Variants in TENM2 observed in about 807,000 individuals in gnomAD.
TENM2 encodes teneurin-2.
A neutral mutation model predicts 245.2 loss-of-function variants in TENM2; 52 were observed. That is an observed-to-expected ratio of 0.21 (90% CI 0.17 to 0.27). The LOEUF is 0.27. Among genes scored for constraint, TENM2 ranks in the 10% least tolerant of loss-of-function variants. The probability of loss-of-function intolerance (pLI) is 1.00; values close to 1 mark genes in which losing one functional copy is unlikely to be tolerated. For synonymous variants in TENM2, 1,363 were observed against 1,438.9 expected (o/e 0.95, Z 1.19); for missense variants, 3,046 against 3,666.8 (o/e 0.83, Z 4.37).
chr5:167,260,895 A>G, the TENM2 span, among the ~76,000 whole-genome samples: 1 of 152,212 alleles, frequency 6.6e-6, no homozygotes, highest in Non-Finnish European at 1.5e-5. Flanking sequence ...TAACATCACA[A>G]TGTGTTCATT....
At position 167,474,896 on chromosome 5, in the gene TENM2, T is replaced by C. The variant is rs369560097; in HGVS notation, c.502+99423T>C. Among the ~76,000 whole-genome samples, 32 of 152,352 alleles carry C rather than the reference T, an allele frequency of 2.1e-4. No homozygotes were observed. In the South Asian group the frequency reaches 6.0e-3, roughly 29 times the overall value. ...CCAGGACAAAGAACAAAATCTGGACTGTTTTCAAATTTTGCCTTTCTTCAT... is the reference window on the plus strand; with the variant it reads ...CCAGGACAAAGAACAAAATCTGGACCGTTTTCAAATTTTGCCTTTCTTCAT... On this transcript the variant is annotated intron_variant, in intron 2 of 28. Transcript: ENST00000518659.
chr5:167,670,802 A>C (rs776707085), intron 2 of TENM2, among the ~76,000 whole-genome samples: 1 of 152,162 alleles, frequency 6.6e-6, no homozygotes, highest in African/African-American at 2.4e-5. Context: ...CAAATCTATC[A>C]GGTTCCAAAG....
At position 168,218,537 on chromosome 5, in the gene TENM2, T is replaced by C; in HGVS notation, c.4646T>C (p.Leu1549Ser). 1 of 1,614,038 alleles carries C rather than the reference T, an allele frequency of 6.2e-7. No individual in the cohort carries two copies. The highest frequency in any genetic ancestry group is 1.1e-5 in the South Asian group (1 of 91,070). The change falls in exon 23 of 29, where the codon TTA becomes TCA. Residue 1549 changes from leucine to serine, a missense_variant. Physicochemically the swap from Leu to Ser is moderately radical, Grantham distance 145 (BLOSUM62 -2). Transcript: ENST00000518659. This position sits in a 1 kb window ranked among gnomAD's most constrained non-coding sequence, Gnocchi z 5.2. ...GCCATCTTGAATTCCCCATCATCCT[T>C]AGCTGTAGCTCCAGATGGTACCATT...
chr5:167,190,309 C>G, the TENM2 span, among the ~76,000 whole-genome samples: 1 of 151,930 alleles, frequency 6.6e-6, no homozygotes, highest in African/African-American at 2.4e-5. Flanking sequence ...CAGAACAGGA[C>G]CAGGGTTGTT....
At chr5:167,773,794 C>T (rs1763557106) in intron 2 of TENM2, among the ~76,000 whole-genome samples, 1 of 151,992 alleles carries the variant, frequency 6.6e-6, no homozygotes. Context: ...AGCTTTAATG[C>T]CAGCTCCATG....
the TENM2 span, among the ~76,000 whole-genome samples, chr5:167,043,246 A>T: frequency 1.3e-5 from 2 of 152,246 alleles, no homozygotes; most frequent in African/African-American, 2.4e-5. Context: ...TAACAAAATG[A>T]TTGAAAAGAT....
At chr5:167,968,139 C>G (rs1781514565) in intron 4 of TENM2, among the ~76,000 whole-genome samples, 1 of 152,178 alleles carries the variant, frequency 6.6e-6, no homozygotes, top group South Asian at 2.1e-4. Context: ...TCAGCTGCAG[C>G]TGCATCCTTT....
intron 2 of TENM2, among the ~76,000 whole-genome samples, chr5:167,631,753 A>G (rs1778889537): frequency 6.6e-6 from 1 of 151,904 alleles, no homozygotes; most frequent in African/African-American, 2.4e-5. Flanking sequence ...TTTAAACTTC[A>G]CTTCCTTAGA....
chr5:167,635,901 C>T (rs1007133665), intron 2 of TENM2, among the ~76,000 whole-genome samples: 1 of 151,890 alleles, frequency 6.6e-6, no homozygotes, highest in African/African-American at 2.4e-5. Context: ...GCCTCGGCCT[C>T]CCAAAGCACT....
intron 1 of TENM2, among the ~76,000 whole-genome samples, chr5:167,372,861 C>T (rs1202010833): frequency 1.3e-5 from 2 of 152,146 alleles, no homozygotes; most frequent in African/African-American, 4.8e-5. Flanking sequence ...TACTCAGTAA[C>T]TTCATTTTCA....
chr5:167,275,057 T>G, the TENM2 span, among the ~76,000 whole-genome samples: 1 of 152,022 alleles, frequency 6.6e-6, no homozygotes, highest in Non-Finnish European at 1.5e-5. Flanking sequence ...TAAGGAGTTT[T>G]TTGTTGTTTG....
At chr5:167,416,447 G>A (rs570164550) in intron 2 of TENM2, among the ~76,000 whole-genome samples, 2 of 152,246 alleles carry the variant, frequency 1.3e-5, no homozygotes, top group Admixed American at 1.3e-4. Context: ...CTAATTGCAA[G>A]TAGTTTTTAA....
At chr5:167,836,546 AC>A (rs1176004828) in intron 2 of TENM2, among the ~76,000 whole-genome samples, 1 of 152,172 alleles carries the variant, frequency 6.6e-6, no homozygotes, top group African/African-American at 2.4e-5. Context: ...TAGCTACCTG[AC>A]AAAAAAATAA....
At chr5:167,205,901 T>C in the TENM2 span, among the ~76,000 whole-genome samples, 1 of 152,182 alleles carries the variant, frequency 6.6e-6, no homozygotes, top group Non-Finnish European at 1.5e-5. Context: ...CAAAGGCATA[T>C]CAAATTCTTC....
chr5:167,492,038 A>G (rs1768461452), intron 2 of TENM2, among the ~76,000 whole-genome samples: 1 of 152,212 alleles, frequency 6.6e-6, no homozygotes, highest in East Asian at 1.9e-4. Flanking sequence ...TTAGTATTTT[A>G]AAGGTTAAAA....
chr5:167,859,437 T>A, intron 2 of TENM2, among the ~76,000 whole-genome samples: 1 of 128,564 alleles, frequency 7.8e-6, no homozygotes, highest in African/African-American at 3.0e-5. Flanking sequence ...GGGGCGCCTC[T>A]GCCCGGCCGC....
chr5:168,254,352 GA>G (rs1767440621), intron 27 of TENM2, among the ~76,000 whole-genome samples: 1 of 152,180 alleles, frequency 6.6e-6, no homozygotes, highest in African/African-American at 2.4e-5. Context: ...GCATGGAGCG[GA>G]GTCACTAGAA....
At chr5:167,929,601 T>C (rs1055240835) in intron 3 of TENM2, among the ~76,000 whole-genome samples, 1 of 152,160 alleles carries the variant, frequency 6.6e-6, no homozygotes, top group Non-Finnish European at 1.5e-5. Flanking sequence ...AGGCATACAA[T>C]AGATGCTTCA....
chr5:167,600,873 C>G (rs1776588523), intron 2 of TENM2, among the ~76,000 whole-genome samples: 1 of 152,188 alleles, frequency 6.6e-6, no homozygotes, highest in South Asian at 2.1e-4. Context: ...AGACATTTAT[C>G]TTTATATATA....
Sources: allele counts gnomAD v4.1 joint callset (sites outside exome capture counted in the v4.1 genomes callset), GRCh38; gene constraint gnomAD v4.1.1; non-coding constraint Gnocchi (gnomAD v3.1); transcripts MANE v1.5; gene names NCBI Gene and HGNC (gene_info 2026-07-23, HGNC 2026-07-21).